CNTNAP2: variants seen among roughly 807,000 people sequenced by gnomAD.
CNTNAP2 encodes the protein contactin associated protein 2.
Under a neutral mutation model 155.2 loss-of-function variants are expected in CNTNAP2, and 98 were observed. That is an observed-to-expected ratio of 0.63 (90% CI 0.54 to 0.75). The LOEUF (loss-of-function observed/expected upper bound fraction) is 0.75, where lower values mean the gene tolerates loss of function less well. Among genes scored for constraint, CNTNAP2 ranks in the 30% least tolerant of loss-of-function variants. The probability of loss-of-function intolerance (pLI) is 0.00; values close to 1 mark genes in which losing one functional copy is unlikely to be tolerated. For missense variants in CNTNAP2, 1,727 were observed against 1,688.1 expected (o/e 1.02, Z -0.40); for synonymous variants, 651 against 631.2 (o/e 1.03, Z -0.47).
intron 1 of CNTNAP2, among the ~76,000 whole-genome samples, chr7:146,490,996 A>G (rs1797130267): frequency 6.6e-6 from 1 of 152,172 alleles, no homozygotes; most frequent in Non-Finnish European, 1.5e-5. Flanking sequence ...ATTTATCTAT[A>G]AATATGCTTT....
intron 11 of CNTNAP2, among the ~76,000 whole-genome samples, chr7:147,486,886 T>C (rs62481262): frequency 0.13 from 16,648 of 132,842 alleles, 1,241 homozygotes; most frequent in Non-Finnish European, 0.17. Flanking sequence ...CATACGTATG[T>C]GCCTGTGTGT....
chr7:146,500,914 C>T (rs1797291289), intron 1 of CNTNAP2, among the ~76,000 whole-genome samples: 1 of 151,976 alleles, frequency 6.6e-6, no homozygotes, highest in Non-Finnish European at 1.5e-5. Flanking sequence ...AGTTTGTTGA[C>T]TATACTTATC....
chr7:147,639,052 G>T lies in CNTNAP2; in HGVS notation c.1898-54G>T, dbSNP rs188352614. ...TGGCTCAATTATTTTCTGACATTTG[G>T]AGAAGCATTTGCATACTAATGATCC... On this transcript the variant is annotated intron_variant, in intron 12 of 23. Coordinates refer to ENST00000361727, the MANE Select transcript of CNTNAP2 (RefSeq NM_014141.6). 6.8e-4 allele frequency: 1,050 copies of T among 1,544,180 alleles called. 12 individuals carry two copies. In the Admixed American group the frequency reaches 0.017, roughly 25 times the overall value.
intron 16 of CNTNAP2, among the ~76,000 whole-genome samples, chr7:148,138,585 A>G (rs963774570): frequency 6.6e-6 from 1 of 152,186 alleles, no homozygotes; most frequent in African/African-American, 2.4e-5. Context: ...TTTGAAGTCC[A>G]TCCCCTCCTC....
intron 4 of CNTNAP2, among the ~76,000 whole-genome samples, chr7:147,101,261 A>G (rs1181271677): frequency 3.9e-5 from 6 of 152,172 alleles, no homozygotes; most frequent in Non-Finnish European, 7.4e-5. Flanking sequence ...TTATTTCAAA[A>G]AGGTCTTTCC....
intron 11 of CNTNAP2, among the ~76,000 whole-genome samples, chr7:147,500,516 A>C (rs11981481): frequency 2.6e-5 from 4 of 151,976 alleles, no homozygotes; most frequent in South Asian, 2.1e-4. Context: ...GCCACCGACC[A>C]GGTGCTTTTC....
intron 1 of CNTNAP2, among the ~76,000 whole-genome samples, chr7:146,631,613 A>T (rs1799512396): frequency 6.6e-6 from 1 of 152,162 alleles, no homozygotes; most frequent in African/African-American, 2.4e-5. Context: ...AATTCTGGTT[A>T]GTCTTCTCTA....
Position 147,548,975 on chromosome 7 carries a change from C to T in CNTNAP2, c.1778-13163C>T, listed in dbSNP as rs150615237. On this transcript the variant is annotated intron_variant, in intron 11 of 23. Coordinates refer to ENST00000361727, the MANE Select transcript of CNTNAP2 (RefSeq NM_014141.6). Reference sequence around the variant, plus strand: ...GTTCCATTGGTCTATATGTCTGTTTCGGTACCAGTACATGCTCTTTTGGTT... The same window carrying T: ...GTTCCATTGGTCTATATGTCTGTTTTGGTACCAGTACATGCTCTTTTGGTT... Among the ~76,000 whole-genome samples the T allele has an allele frequency of 1.9e-3, 289 of 152,180 alleles. 4 individuals are homozygous for T. The East Asian group carries it at 0.043, about 23-fold the overall frequency.
In CNTNAP2 at chr7:147,663,204, G is replaced by A. The variant is rs141973634; in HGVS notation, c.2098+23898G>A. 2.2e-3 allele frequency among the ~76,000 whole-genome samples: 339 copies of A among 152,266 alleles called. 1 individual carries two copies. Among genetic ancestry groups the A allele is most frequent in the African/African-American group, 7.9e-3 (329 of 41,540 alleles). ...CGTAGGGACGGGTTTCACCATTTTG[G>A]CCAGGCTGGTCTCCAACCCTTGACC... On this transcript the variant is annotated intron_variant, in intron 13 of 23. Coordinates refer to ENST00000361727, the MANE Select transcript of CNTNAP2 (RefSeq NM_014141.6).
intron 8 of CNTNAP2, among the ~76,000 whole-genome samples, chr7:147,249,872 T>C (rs1331631797): frequency 6.6e-6 from 1 of 152,164 alleles, no homozygotes; most frequent in East Asian, 1.9e-4. Flanking sequence ...CTTCTTTCTT[T>C]TTCTCTGCAC....
chr7:148,280,931 AAAAAG>A (rs1337492255), intron 21 of CNTNAP2, among the ~76,000 whole-genome samples: 3 of 152,160 alleles, frequency 2.0e-5, no homozygotes, highest in East Asian at 1.9e-4. Flanking sequence ...AAAAAAAAGA[AAAAAG>A]AAAAGGAAAA....
intron 1 of CNTNAP2, among the ~76,000 whole-genome samples, chr7:146,768,616 CG>C (rs1802240845): frequency 1.3e-5 from 2 of 151,820 alleles, no homozygotes; most frequent in Admixed American, 1.3e-4. Context: ...TGAATGTACA[CG>C]TAAGACCACA....
At chr7:148,026,392 G>A (rs908347279) in intron 15 of CNTNAP2, among the ~76,000 whole-genome samples, 9 of 152,074 alleles carry the variant, frequency 5.9e-5, no homozygotes, top group Non-Finnish European at 1.0e-4. Flanking sequence ...TCAAGGCTGC[G>A]GTGAGCCATG....
At chr7:146,625,302 T>C (rs1248494558) in intron 1 of CNTNAP2, among the ~76,000 whole-genome samples, 1 of 151,730 alleles carries the variant, frequency 6.6e-6, no homozygotes, top group Non-Finnish European at 1.5e-5. Flanking sequence ...CCTGAATCTG[T>C]TTTGAAGGGA....
intron 1 of CNTNAP2, among the ~76,000 whole-genome samples, chr7:146,702,803 C>T (rs1448029331): frequency 2.6e-5 from 4 of 152,078 alleles, no homozygotes; most frequent in Non-Finnish European, 1.5e-5. Flanking sequence ...ATGTTGTGTG[C>T]TTTCAGATGC....
intron 13 of CNTNAP2, among the ~76,000 whole-genome samples, chr7:147,650,138 A>G (rs1795428156): frequency 6.6e-6 from 1 of 152,188 alleles, no homozygotes; most frequent in Non-Finnish European, 1.5e-5. Flanking sequence ...TAAAATGAAG[A>G]TAAACTTAAT....
chr7:147,022,584 T>G (rs905088869), intron 3 of CNTNAP2, among the ~76,000 whole-genome samples: 10 of 150,540 alleles, frequency 6.6e-5, no homozygotes, highest in African/African-American at 2.5e-4. Flanking sequence ...ATATGTACTA[T>G]ATATACACAT....
In CNTNAP2 at chr7:147,108,251, T is replaced by G. The variant is rs759773159; in HGVS notation, c.655T>G (p.Ser219Ala). 6.2e-7 allele frequency: 1 copy of G among 1,613,598 alleles called. No homozygotes were observed. The highest frequency in any genetic ancestry group is 1.3e-5 in the African/African-American group (1 of 74,866). ...TGTCATTGCCTTGAACTTTAAGACGTCTGAAAGTGAAGGAGTAATCCTGCA... is the reference window on the plus strand; with the variant it reads ...TGTCATTGCCTTGAACTTTAAGACGGCTGAAAGTGAAGGAGTAATCCTGCA... ...KDVIALNFKTSESEGVILHGE... is the reference protein window; with the variant it reads ...KDVIALNFKTAESEGVILHGE... The change falls in exon 5 of 24, where the codon TCT (serine) becomes GCT (alanine). Residue 219 changes from serine to alanine, a missense_variant. Physicochemically the swap from Ser to Ala is moderately conservative, Grantham distance 99. Coordinates refer to ENST00000361727, the MANE Select transcript of CNTNAP2 (RefSeq NM_014141.6).
At chr7:146,886,631 G>A (rs1157695147) in intron 3 of CNTNAP2, among the ~76,000 whole-genome samples, 7 of 151,484 alleles carry the variant, frequency 4.6e-5, no homozygotes, top group Non-Finnish European at 7.4e-5. Flanking sequence ...TTTCTTTTTA[G>A]GCATTTCAAA....
Sources: allele counts gnomAD v4.1 joint callset (sites outside exome capture counted in the v4.1 genomes callset), GRCh38; gene constraint gnomAD v4.1.1; transcripts MANE v1.5; gene names NCBI Gene and HGNC (gene_info 2026-07-23, HGNC 2026-07-21).